TANC1: variants seen among roughly 807,000 people sequenced by gnomAD.
The protein encoded by TANC1 is tetratricopeptide repeat, ankyrin repeat and coiled-coil containing 1.
TANC1 carries 77 observed loss-of-function variants against 149.7 expected under a neutral mutation model. That is an observed-to-expected ratio of 0.51 (90% CI 0.43 to 0.62). The LOEUF is 0.62. TANC1 is among the 20% of genes least tolerant of loss of function. TANC1 has a pLI of 0.00. For synonymous variants in TANC1, 854 were observed against 925.0 expected, an observed-to-expected ratio of 0.92 and a Z score of 1.39; for missense variants, 1,985 against 2,321.8, an observed-to-expected ratio of 0.85 and a Z score of 2.98.
intron 2 of TANC1, among the ~76,000 whole-genome samples, chr2:159,052,886 C>T (rs400007): frequency 0.7 from 106,119 of 152,152 alleles, 37,213 homozygotes; most frequent in Non-Finnish European, 0.74. Context: ...CTTATTTATG[C>T]GTTAAGCATA....
chr2:159,124,302 C>A (rs1006341253), intron 4 of TANC1, among the ~76,000 whole-genome samples: 1 of 152,116 alleles, frequency 6.6e-6, no homozygotes, highest in African/African-American at 2.4e-5. Context: ...TGAGATCGCA[C>A]CACTGCACTC....
In TANC1 at chr2:159,114,716, G is replaced by A. The variant is rs1449695335; in HGVS notation, c.259+16882G>A. 2.6e-5 allele frequency among the ~76,000 whole-genome samples: 4 copies of A among 152,124 alleles called. No individual in the cohort carries two copies. The South Asian group carries it at 6.2e-4, about 24-fold the overall frequency. On this transcript the variant is annotated intron_variant, in intron 4 of 26. Coordinates refer to ENST00000263635, the MANE Select transcript of TANC1 (RefSeq NM_033394.3). ...CTTTCAACCTGGAAATTATTAGTTT[G>A]TGTGCCCTTTGGGCTTTAAAATAAA... is the stretch of plus-strand genomic sequence containing the variant.
chr2:159,022,899 T>G (rs1331922364), intron 2 of TANC1, among the ~76,000 whole-genome samples: 1 of 152,152 alleles, frequency 6.6e-6, no homozygotes, highest in Non-Finnish European at 1.5e-5. Context: ...GACTTTGGGC[T>G]AGGTCTTGTT....
intron 3 of TANC1, among the ~76,000 whole-genome samples, chr2:159,086,802 C>A (rs1218685005): frequency 6.6e-6 from 1 of 152,138 alleles, no homozygotes; most frequent in Non-Finnish European, 1.5e-5. Context: ...TGCCTTCGAA[C>A]TTTTGGGTCA....
At chr2:158,988,340 A>G (rs572266453) in intron 1 of TANC1, among the ~76,000 whole-genome samples, 1 of 151,952 alleles carries the variant, frequency 6.6e-6, no homozygotes, top group Middle Eastern at 3.4e-3. Flanking sequence ...AAAAAAAAAA[A>G]AAAGAAAAAG....
At chr2:159,177,622 G>A (rs554783355) in intron 13 of TANC1, among the ~76,000 whole-genome samples, 1 of 152,320 alleles carries the variant, frequency 6.6e-6, no homozygotes, top group African/African-American at 2.4e-5. Flanking sequence ...TCCCAGCTGT[G>A]TAAGTTTTCA....
At chr2:159,155,698 A>G (rs1246280258) in intron 7 of TANC1, among the ~76,000 whole-genome samples, 2 of 152,136 alleles carry the variant, frequency 1.3e-5, no homozygotes, top group Non-Finnish European at 2.9e-5. Context: ...TGCTTTCCTC[A>G]TGCTTACATT....
intron 7 of TANC1, among the ~76,000 whole-genome samples, chr2:159,161,375 C>G (rs1196486549): frequency 6.6e-6 from 1 of 152,188 alleles, no homozygotes; most frequent in East Asian, 1.9e-4. Context: ...GTTGGAGTAG[C>G]CTGTGAACCT....
intron 4 of TANC1, among the ~76,000 whole-genome samples, chr2:159,120,113 A>T (rs2048694841): frequency 6.6e-6 from 1 of 152,192 alleles, no homozygotes; most frequent in Admixed American, 6.5e-5. Context: ...GACTTCAGAG[A>T]TAGCATCTTT....
chr2:159,147,154 C>A (rs1413811404), intron 5 of TANC1, among the ~76,000 whole-genome samples: 4 of 152,138 alleles, frequency 2.6e-5, no homozygotes, highest in Non-Finnish European at 4.4e-5. Context: ...GCTCTCTCTG[C>A]CTCCACGGCA....
At chr2:159,157,977 A>G (rs1485138129) in intron 7 of TANC1, among the ~76,000 whole-genome samples, 1 of 152,128 alleles carries the variant, frequency 6.6e-6, no homozygotes, top group Non-Finnish European at 1.5e-5. Flanking sequence ...CGTATTTTCT[A>G]TTATAATAGT....
chr2:159,130,992 A>G (rs1470081653), intron 4 of TANC1, among the ~76,000 whole-genome samples: 1 of 150,610 alleles, frequency 6.6e-6, no homozygotes, highest in Non-Finnish European at 1.5e-5. Flanking sequence ...GTGCTGCAGC[A>G]TGATGGTCAG....
At chr2:159,222,659 T>C (rs1253953693) in intron 22 of TANC1, among the ~76,000 whole-genome samples, 1 of 152,204 alleles carries the variant, frequency 6.6e-6, no homozygotes. Context: ...TTAGGTTGCT[T>C]CTATGTTTTT....
intron 4 of TANC1, among the ~76,000 whole-genome samples, chr2:159,121,969 G>A (rs960073383): frequency 2.6e-5 from 4 of 151,904 alleles, no homozygotes; most frequent in East Asian, 1.9e-4. Context: ...AGATGCTCTC[G>A]TTCTGTTGCC....
At chr2:159,127,455 A>G (rs893020240) in intron 4 of TANC1, among the ~76,000 whole-genome samples, 7 of 152,252 alleles carry the variant, frequency 4.6e-5, no homozygotes, top group African/African-American at 1.7e-4. Flanking sequence ...CAATCCCATT[A>G]CGAGGTATAT....
intron 2 of TANC1, among the ~76,000 whole-genome samples, chr2:159,035,616 C>T (rs935002486): frequency 6.6e-6 from 1 of 152,208 alleles, no homozygotes; most frequent in Non-Finnish European, 1.5e-5. Flanking sequence ...GTCTCATTGA[C>T]CTTCCTTTTT....
intron 4 of TANC1, among the ~76,000 whole-genome samples, chr2:159,123,769 A>T (rs570165178): frequency 6.6e-6 from 1 of 152,316 alleles, no homozygotes; most frequent in East Asian, 1.9e-4. Flanking sequence ...CACTGTAAAG[A>T]AGCTAAACAG....
At chr2:159,094,609 G>T (rs970382342) in intron 3 of TANC1, among the ~76,000 whole-genome samples, 1 of 152,212 alleles carries the variant, frequency 6.6e-6, no homozygotes, top group African/African-American at 2.4e-5. Context: ...AGGGAAAGCA[G>T]CTGGGAAAAC....
chr2:159,174,033 C>T (rs187405877), intron 11 of TANC1, among the ~76,000 whole-genome samples: 183 of 152,276 alleles, frequency 1.2e-3, no homozygotes, highest in Non-Finnish European at 1.7e-3. Flanking sequence ...AGGCGCTTGC[C>T]GCACCCAGTG....
Sources: gnomAD v4.1 joint callset for allele counts (sites outside exome capture counted in the v4.1 genomes callset) on GRCh38, gnomAD v4.1.1 for gene constraint, MANE v1.5 for transcripts, NCBI Gene and HGNC (gene_info 2026-07-23, HGNC 2026-07-21) for gene names.